IGSF9B: variants seen among roughly 807,000 people sequenced by gnomAD.
IGSF9B encodes the protein protein turtle homolog B.
In IGSF9B, 48 loss-of-function variants were observed where a neutral mutation model predicts 143.7. The observed-to-expected ratio is 0.33, with a 90% CI of 0.26 to 0.42. The LOEUF (loss-of-function observed/expected upper bound fraction) is 0.42, where lower values mean the gene tolerates loss of function less well. IGSF9B is among the 20% of genes least tolerant of loss of function. The pLI, the probability that IGSF9B is intolerant of heterozygous loss-of-function variation, is 1.00. For synonymous variants in IGSF9B, 903 were observed against 833.1 expected (o/e 1.08, Z -1.44); for missense variants, 1,706 against 1,980.0 (o/e 0.86, Z 2.63).
At chr11:133,951,932 C>T (rs958380230) in intron 1 of IGSF9B, 3 of 379,302 alleles carry the variant, frequency 7.9e-6, no homozygotes, top group African/African-American at 2.1e-5. Context: ...CAGTGACTCA[C>T]CTCGTACAGT....
chr11:133,929,380 G>A (rs1711582525), intron 12 of IGSF9B, among the ~76,000 whole-genome samples: 1 of 152,236 alleles, frequency 6.6e-6, no homozygotes, highest in African/African-American at 2.4e-5. Flanking sequence ...GAGGAATCCA[G>A]AGGATGAAGC....
At chr11:133,918,738 C>T (rs1435195351) in intron 18 of IGSF9B, among the ~76,000 whole-genome samples, 4 of 150,742 alleles carry the variant, frequency 2.7e-5, no homozygotes, top group Non-Finnish European at 5.9e-5. Flanking sequence ...AGGCCAGCCT[C>T]CTCTGGAACT....
rs761812455 is a variant in IGSF9B, at chr11:133,920,305, T to C, written c.3420A>G (p.Gln1140=). ...AAGGCAGCACAGGTATGCCCATGCCTTGGCTTGTATGTCGCAGCTGCCCTT... is the reference window on the plus strand; with the variant it reads ...AAGGCAGCACAGGTATGCCCATGCCCTGGCTTGTATGTCGCAGCTGCCCTT... The part of the protein sequence containing the change: ...VSQGQLRHTS[Q]GMGIPVLPYP... Residue 1140 remains glutamine, a synonymous_variant, in exon 18 of 20, where the codon CAA becomes CAG. Transcript: ENST00000533871. 3.8e-6 allele frequency: 6 copies of C among 1,565,924 alleles called. No homozygotes were observed. The East Asian group carries it at 1.1e-4, about 29-fold the overall frequency.
intron 3 of IGSF9B, among the ~76,000 whole-genome samples, chr11:133,940,927 T>C (rs1231941015): frequency 6.6e-6 from 1 of 152,344 alleles, no homozygotes; most frequent in Non-Finnish European, 1.5e-5. Flanking sequence ...GAGAGCGTGC[T>C]TATCTCCGAC....
rs1939640571 is a variant in IGSF9B, at chr11:133,927,038, G to A, written c.1685C>T (p.Pro562Leu). 1 of 1,564,616 alleles carries A rather than the reference G, an allele frequency of 6.4e-7. No homozygotes were observed. The highest frequency in any genetic ancestry group is 1.4e-5 in the African/African-American group (1 of 73,622). The stretch of plus-strand genomic sequence containing the variant: ...GTCCACCAGCAGCCAGCTGGGTCCT[G>A]GCGGCACTGGCAAGGACAGCCAGTC... ...PHDWLSLPVP[P>L]GPSWLLVDTL... The change falls in exon 13 of 20, where the codon CCA (proline) becomes CTA (leucine). Residue 562 changes from proline to leucine, a missense_variant. Pro to Leu is a moderately conservative substitution (Grantham distance 98). This residue lies in a region of IGSF9B where 267 missense variants were observed against 321.1 expected (regional missense o/e 0.83). Coordinates refer to ENST00000533871, the MANE Select transcript of IGSF9B (RefSeq NM_001277285.4).
chr11:133,908,385 G>C lies in IGSF9B; in HGVS notation c.*684C>G, dbSNP rs1247907678. ...AAGGCCCCATTTCTGCTCTGGGTGG[G>C]AGAAGGTAGGAGACACACGGAGAAT... On this transcript the variant is annotated 3_prime_UTR_variant, in exon 20 of 20. Transcript: ENST00000533871. Among the ~76,000 whole-genome samples, 1 of 152,208 alleles carries C rather than the reference G, an allele frequency of 6.6e-6. No individual in the cohort carries two copies. Among genetic ancestry groups the C allele is most frequent in the Admixed American group, 6.5e-5 (1 of 15,292 alleles).
rs779802045 is a variant in IGSF9B, at chr11:133,920,510, G to C, written c.3215C>G (p.Pro1072Arg). Residue 1072 changes from proline (P) to arginine (R), a missense_variant, in exon 18 of 20, where the codon CCC becomes CGC. Transcript: ENST00000533871. ...CAGTCCTCGGGGGAGGCCGGCCTTG[G>C]GCTGCAGACTCTCGGGCACATCACA... is the stretch of plus-strand genomic sequence containing the variant. ...PPCDVPESLQ[P>R]KAGLPRGLPP... 1.9e-5 allele frequency: 30 copies of C among 1,597,886 alleles called. No homozygotes were observed. The highest frequency in any genetic ancestry group is 2.4e-5 in the Non-Finnish European group (28 of 1,171,592).
intron 13 of IGSF9B, 106 bp from the exon 14 acceptor site, chr11:133,926,071 G>A: frequency 1.2e-6 from 1 of 810,080 alleles, no homozygotes. Flanking sequence ...GGGAAGCAGA[G>A]TCAGGGCCCG....
At chr11:133,933,996 T>C (rs74719263) in intron 7 of IGSF9B, among the ~76,000 whole-genome samples, 11 of 151,582 alleles carry the variant, frequency 7.3e-5, no homozygotes, top group African/African-American at 2.7e-4. Context: ...TTTTTTTTTT[T>C]CCTCCAAGGT....
Position 133,901,247 on chromosome 11 carries a change from G to A in IGSF9B, c.*7822C>T, listed in dbSNP as rs1326673775. On this transcript the variant is annotated 3_prime_UTR_variant, in exon 20 of 20. Transcript: ENST00000533871. ...ACACATTTCCATCAGAAAGACCCAAGCAACTCTGAACAGAGAGAATACCAA... is the reference window on the plus strand; with the variant it reads ...ACACATTTCCATCAGAAAGACCCAAACAACTCTGAACAGAGAGAATACCAA... 2 of 152,194 alleles carry A rather than the reference G, an allele frequency of 1.3e-5. No homozygotes were observed. The highest frequency in any genetic ancestry group is 2.9e-5 in the Non-Finnish European group (2 of 68,050). 9.4% of individuals were successfully genotyped at this position (152,194 alleles called of 1,614,324 possible).
At chr11:133,933,376 G>T (rs1272927929) in intron 7 of IGSF9B, among the ~76,000 whole-genome samples, 2 of 152,302 alleles carry the variant, frequency 1.3e-5, no homozygotes, top group East Asian at 1.9e-4. Context: ...AACCACAAAG[G>T]GGGTATTTTT....
At position 133,919,961 on chromosome 11, in the gene IGSF9B, G is replaced by C. The variant is rs775777649; in HGVS notation, c.3764C>G (p.Thr1255Arg). ...GCGGCTGCTCTGGGAGGGGGAGCCT[G>C]TGGACGGCGTAGACTTTCGAGAAAA... The part of the protein sequence containing the change: ...VSFSRKSTPS[T>R]GSPSQSSRSG... Residue 1255 changes from threonine to arginine, a missense_variant, in exon 18 of 20, where the codon ACA becomes AGA. By Grantham distance (71) the Thr-to-Arg change is moderately conservative. Coordinates refer to ENST00000533871, the MANE Select transcript of IGSF9B (RefSeq NM_001277285.4). 1 of 1,564,810 alleles carries C rather than the reference G, an allele frequency of 6.4e-7. No homozygotes were observed. The highest frequency in any genetic ancestry group is 8.7e-7 in the Non-Finnish European group (1 of 1,154,690).
Position 133,931,159 on chromosome 11 carries a change from A to C in IGSF9B, c.1369-25T>G, listed in dbSNP as rs1939721186. The C allele has an allele frequency of 1.9e-6, 3 of 1,602,418 alleles. No individual in the cohort carries two copies. The highest frequency in any genetic ancestry group is 2.2e-5 in the South Asian group (2 of 89,908). On this transcript the variant is annotated intron_variant, in intron 10 of 19. Coordinates refer to ENST00000533871, the MANE Select transcript of IGSF9B (RefSeq NM_001277285.4). This position sits in a 1 kb window ranked among gnomAD's most constrained non-coding sequence, Gnocchi z 7.7. ...CCTTGGTGAACAAGGGGCAGGGAAG[A>C]GGGTGGGAACAGAAATGGGGGTTAG...
rs1460342307 is a variant in IGSF9B at position 133,946,063 on chromosome 11, G to A, written c.260C>T (p.Ala87Val). Residue 87 changes from alanine to valine, a missense_variant and splice_region_variant, in exon 2 of 20, where the codon GCA (alanine) becomes GTA (valine). This residue lies in a region of IGSF9B where 171 missense variants were observed against 213.9 expected (regional missense o/e 0.80). Coordinates refer to ENST00000533871, the MANE Select transcript of IGSF9B (RefSeq NM_001277285.4). The part of the protein sequence containing the change: ...YYPPHVDPEY[A>V]GRASLHDKAS... ...GAGACCGGGTGCCCAGACCTTACCT[G>A]CATACTCAGGGTCCACGTGCGGCGG... 1.3e-6 allele frequency: 2 copies of A among 1,566,368 alleles called. No individual in the cohort carries two copies. The highest frequency in any genetic ancestry group is 1.7e-6 in the Non-Finnish European group (2 of 1,154,538).
chr11:133,924,692 G>A (rs978589737), intron 15 of IGSF9B, 128 bp downstream of exon 15: 8 of 742,988 alleles, frequency 1.1e-5, no homozygotes, highest in Non-Finnish European at 1.8e-5. Context: ...TCACGCAGCT[G>A]CAACCAGGCA....
At chr11:133,919,118 C>CGGAGG in intron 18 of IGSF9B, 1 of 66,600 alleles carries the variant, frequency 1.5e-5, no homozygotes, top group South Asian at 1.7e-4. Flanking sequence ...GCGAGGTATA[C>CGGAGG]GGGGGGGGGG....
chr11:133,952,043 G>A (rs949948331), intron 1 of IGSF9B: 41 of 455,578 alleles, frequency 9.0e-5, no homozygotes, highest in Non-Finnish European at 1.5e-4. Context: ...CAGGCTGAGC[G>A]GGACCTTCTC....
At position 133,931,607 on chromosome 11, in the gene IGSF9B, G is replaced by C; in HGVS notation, c.1252-38C>G. The C allele has an allele frequency of 1.9e-6, 3 of 1,609,312 alleles. No individual in the cohort carries two copies. Among genetic ancestry groups the C allele is most frequent in the Non-Finnish European group, 2.5e-6 (3 of 1,176,876 alleles). On this transcript the variant is annotated intron_variant, in intron 9 of 19. Coordinates refer to ENST00000533871, the MANE Select transcript of IGSF9B (RefSeq NM_001277285.4). The surrounding 1 kb of genome is among the most constrained non-coding windows in gnomAD (Gnocchi z 7.7). ...GCACAGGCACCCTCGTGAGGCCGGG[G>C]ATCCAGGTGCCCAGCTCATGGAGGC... is the stretch of plus-strand genomic sequence containing the variant.
chr11:133,935,851 C>T lies in IGSF9B; in HGVS notation c.822-89G>A, dbSNP rs1939813009. On this transcript the variant is annotated intron_variant, in intron 6 of 19. Transcript: ENST00000533871. ...GTCACCGTCACTGCCCCAGATGTGG[C>T]ATGGAGAGCCCATGCCCCTGGCATC... 26 of 1,516,588 alleles carry T rather than the reference C, an allele frequency of 1.7e-5. No individual in the cohort carries two copies. In the South Asian group the frequency reaches 2.9e-4, roughly 17 times the overall value. The allele number at this position is 1,516,588 out of a possible 1,614,324, so 93.9% of individuals were successfully genotyped here. A position where few individuals can be genotyped will look rare whatever the true frequency, so the allele number is the denominator to read the frequency against.
Sources: gnomAD v4.1 joint callset for allele counts (sites outside exome capture counted in the v4.1 genomes callset) on GRCh38, gnomAD v4.1.1 for gene constraint, gnomAD v4.1.1 regional missense constraint, Gnocchi (gnomAD v3.1) non-coding constraint, MANE v1.5 for transcripts, NCBI Gene and HGNC (gene_info 2026-07-23, HGNC 2026-07-21) for gene names.